XIRP2: variants seen among roughly 807,000 people sequenced by gnomAD.
XIRP2 encodes xin actin-binding repeat-containing protein 2.
A neutral mutation model predicts 277.0 loss-of-function variants in XIRP2; 236 were observed. The ratio of observed to expected loss-of-function variants is 0.85; its 90% CI spans 0.77 to 0.95. The LOEUF (loss-of-function observed/expected upper bound fraction) is 0.95, where lower values mean the gene tolerates loss of function less well. Ranked by LOEUF, XIRP2 falls within the 40% of genes least tolerant of loss-of-function variation. The pLI, the probability that XIRP2 is intolerant of heterozygous loss-of-function variation, is 0.00. For missense variants in XIRP2, 4,640 were observed against 4,157.5 expected (o/e 1.12, Z -3.19); for synonymous variants, 1,490 against 1,416.5 (o/e 1.05, Z -1.17).
chr2:166,934,077 A>G (rs1685422998), intron 2 of XIRP2, among the ~76,000 whole-genome samples: 1 of 151,632 alleles, frequency 6.6e-6, no homozygotes, highest in African/African-American at 2.4e-5. Context: ...TATTCAAGCC[A>G]TTGAGTAAGG....
intron 1 of XIRP2, among the ~76,000 whole-genome samples, chr2:166,897,696 G>T (rs1451170952): frequency 6.6e-6 from 1 of 152,136 alleles, no homozygotes; most frequent in Non-Finnish European, 1.5e-5. Flanking sequence ...GAGAAGGTGT[G>T]GTTCAGCCCA....
intron 2 of XIRP2, among the ~76,000 whole-genome samples, chr2:167,090,001 T>C (rs1268926241): frequency 6.6e-6 from 1 of 152,166 alleles, no homozygotes; most frequent in Non-Finnish European, 1.5e-5. Context: ...CCTTGATTTG[T>C]GCTAAGAGAT....
intron 2 of XIRP2, among the ~76,000 whole-genome samples, chr2:166,920,889 G>T (rs557017955): frequency 1.8e-4 from 27 of 152,078 alleles, no homozygotes; most frequent in Non-Finnish European, 3.5e-4. Flanking sequence ...AACCCAGTCA[G>T]GTGGAGTCCA....
At chr2:166,929,096 T>G (rs1484657664) in intron 2 of XIRP2, among the ~76,000 whole-genome samples, 1 of 152,000 alleles carries the variant, frequency 6.6e-6, no homozygotes, top group African/African-American at 2.4e-5. Flanking sequence ...TGTGAATTTT[T>G]TAGAAATACA....
Position 167,210,906 on chromosome 2 carries a change from C to G in XIRP2, c.723+11C>G. 6.2e-7 allele frequency: 1 copy of G among 1,613,566 alleles called. No individual in the cohort carries two copies. The highest frequency in any genetic ancestry group is 8.5e-7 in the Non-Finnish European group (1 of 1,179,820). On this transcript the variant is annotated intron_variant, in intron 4 of 10. Transcript: ENST00000409195. Reference sequence around the variant, plus strand: ...AGCTTCTCTGCTAATGTAAGCTGCTCCTAATGGTTTTGCACTAGGCAATGT... The same window carrying G: ...AGCTTCTCTGCTAATGTAAGCTGCTGCTAATGGTTTTGCACTAGGCAATGT...
intron 2 of XIRP2, among the ~76,000 whole-genome samples, chr2:167,087,801 C>A (rs990449199): frequency 1.3e-5 from 2 of 152,146 alleles, no homozygotes; most frequent in African/African-American, 4.8e-5. Flanking sequence ...TGCTTCGGCT[C>A]GCGCACGGTG....
chr2:166,977,447 A>G (rs994270730), intron 2 of XIRP2, among the ~76,000 whole-genome samples: 1 of 152,184 alleles, frequency 6.6e-6, no homozygotes, highest in Non-Finnish European at 1.5e-5. Flanking sequence ...AAAAATTTGG[A>G]AGATATTTAT....
At chr2:167,185,311 A>G (rs1307045331) in intron 3 of XIRP2, among the ~76,000 whole-genome samples, 1 of 152,086 alleles carries the variant, frequency 6.6e-6, no homozygotes, top group Non-Finnish European at 1.5e-5. Flanking sequence ...TTTCCTGACC[A>G]TTTTTTGTTG....
intron 2 of XIRP2, among the ~76,000 whole-genome samples, chr2:167,096,727 G>T (rs1690328863): frequency 6.6e-6 from 1 of 151,944 alleles, no homozygotes; most frequent in African/African-American, 2.4e-5. Flanking sequence ...TTTGTCCCAG[G>T]GATTCTGGTA....
chr2:167,136,182 T>C, intron 3 of XIRP2, 120 bp downstream of exon 3: 1 of 1,010,038 alleles, frequency 9.9e-7, no homozygotes, highest in Non-Finnish European at 1.3e-6. Context: ...TGACTGCATA[T>C]AGTTTAGGAA....
chr2:167,147,542 T>A (rs1691895378), intron 3 of XIRP2, among the ~76,000 whole-genome samples: 1 of 152,196 alleles, frequency 6.6e-6, no homozygotes, highest in African/African-American at 2.4e-5. Flanking sequence ...CATATTTGTG[T>A]GAACAACCTC....
chr2:167,022,499 G>A lies in XIRP2; in HGVS notation c.409-113410G>A, dbSNP rs144465196. 6.0e-3 allele frequency among the ~76,000 whole-genome samples: 918 copies of A among 152,108 alleles called. 73 individuals are homozygous for A. In the East Asian group the frequency reaches 0.16, roughly 26 times the overall value. On this transcript the variant is annotated intron_variant, in intron 2 of 10. Coordinates refer to ENST00000409195, the MANE Select transcript of XIRP2 (RefSeq NM_152381.6). Reference sequence around the variant, plus strand: ...GTTTTAGGGTACATGTGCACAACGTGCAGGTTAGTTACCTATGTATACATG... The same window carrying A: ...GTTTTAGGGTACATGTGCACAACGTACAGGTTAGTTACCTATGTATACATG...
chr2:167,023,163 G>A (rs1230548346), intron 2 of XIRP2, among the ~76,000 whole-genome samples: 1 of 152,144 alleles, frequency 6.6e-6, no homozygotes, highest in Non-Finnish European at 1.5e-5. Context: ...GGTGTGAGAT[G>A]GTATCTCATT....
intron 2 of XIRP2, among the ~76,000 whole-genome samples, chr2:166,971,567 T>A (rs1044061339): frequency 5.9e-5 from 9 of 151,986 alleles, no homozygotes; most frequent in East Asian, 1.9e-4. Context: ...GAAAAAAAAA[T>A]TATTTGCTAG....
intron 2 of XIRP2, among the ~76,000 whole-genome samples, chr2:167,038,051 T>C (rs1558958080): frequency 6.6e-6 from 1 of 152,222 alleles, no homozygotes; most frequent in East Asian, 1.9e-4. Context: ...CTAAACTGTT[T>C]CAATTTTCGT....
At chr2:167,255,834 T>C (rs1288164875) in intron 10 of XIRP2, among the ~76,000 whole-genome samples, 1 of 151,896 alleles carries the variant, frequency 6.6e-6, no homozygotes, top group Non-Finnish European at 1.5e-5. Flanking sequence ...GTTGAATTCT[T>C]ACATGCTGAT....
chr2:167,090,144 C>T (rs905450342), intron 2 of XIRP2, among the ~76,000 whole-genome samples: 4 of 151,404 alleles, frequency 2.6e-5, no homozygotes, highest in African/African-American at 7.3e-5. Context: ...CTTGGGGGTC[C>T]CTTAGACTTG....
intron 2 of XIRP2, among the ~76,000 whole-genome samples, chr2:167,015,885 T>C (rs546440204): frequency 6.6e-6 from 1 of 151,744 alleles, no homozygotes; most frequent in Non-Finnish European, 1.5e-5. Context: ...CTTATAATAT[T>C]ATATAGAATT....
rs560434811 is a variant in XIRP2, at chr2:166,959,946, A to G, written c.408+56056A>G. 6.8e-4 allele frequency among the ~76,000 whole-genome samples: 103 copies of G among 151,928 alleles called. 2 individuals carry two copies. The highest frequency in any genetic ancestry group is 3.7e-3 in the South Asian group (18 of 4,826). Reference sequence around the variant, plus strand: ...CTGAGGTTTTGGAAAATAGGAAAGCATAATTGAGTAAATTAAAAATAATGT... The same window carrying G: ...CTGAGGTTTTGGAAAATAGGAAAGCGTAATTGAGTAAATTAAAAATAATGT... On this transcript the variant is annotated intron_variant, in intron 2 of 10. Transcript: ENST00000409195.
Sources: gnomAD v4.1 joint callset for allele counts (sites outside exome capture counted in the v4.1 genomes callset) on GRCh38, gnomAD v4.1.1 for gene constraint, MANE v1.5 for transcripts, NCBI Gene and HGNC (gene_info 2026-07-23, HGNC 2026-07-21) for gene names.